Variants in CELF2 observed in about 807,000 individuals in gnomAD.
The protein encoded by CELF2 is CUGBP Elav-like family member 2.
CELF2 carries 8 observed loss-of-function variants against 62.6 expected under a neutral mutation model. That is an observed-to-expected ratio of 0.13 (90% CI 0.07 to 0.23). The LOEUF (loss-of-function observed/expected upper bound fraction) is 0.23. CELF2 is among the 10% of genes least tolerant of loss of function. The pLI is 1.00. For missense variants in CELF2, 333 were observed against 671.0 expected, an observed-to-expected ratio of 0.50 and a Z score of 5.56; for synonymous variants, 258 against 250.0, an observed-to-expected ratio of 1.03 and a Z score of -0.30.
the CELF2 span, among the ~76,000 whole-genome samples, chr10:10,469,116 T>C: frequency 6.6e-6 from 1 of 152,020 alleles, no homozygotes; most frequent in Non-Finnish European, 1.5e-5. Flanking sequence ...GAAATTTTTT[T>C]CCAAGTGCTT....
At chr10:10,687,708 T>A in the CELF2 span, among the ~76,000 whole-genome samples, 153 of 152,336 alleles carry the variant, frequency 1.0e-3, no homozygotes, top group African/African-American at 3.6e-3. Context: ...AAATTTTGTA[T>A]CTAATTTCTA....
intron 1 of CELF2, among the ~76,000 whole-genome samples, chr10:11,089,960 G>A (rs982723416): frequency 6.6e-6 from 1 of 152,106 alleles, no homozygotes; most frequent in Non-Finnish European, 1.5e-5. Context: ...CTTGAAAGTG[G>A]GAGCTGAACA....
intron 10 of CELF2, chr10:11,320,800 A>T (rs2095396423): frequency 6.7e-7 from 1 of 1,494,184 alleles, no homozygotes. Context: ...TTCAGTGTAC[A>T]GATGTTACAG....
chr10:11,073,761 A>G (rs2480797), intron 1 of CELF2, among the ~76,000 whole-genome samples: 40,923 of 151,968 alleles, frequency 0.27, 6,062 homozygotes, highest in African/African-American at 0.38. Context: ...TGCTGGTAAC[A>G]TAAGGTGATG....
At chr10:10,477,352 G>A in the CELF2 span, among the ~76,000 whole-genome samples, 12 of 152,232 alleles carry the variant, frequency 7.9e-5, no homozygotes, top group South Asian at 4.1e-4. Context: ...CAATACTGGC[G>A]CTGCCTTTGA....
chr10:10,628,162 C>A, the CELF2 span, among the ~76,000 whole-genome samples: 1 of 152,172 alleles, frequency 6.6e-6, no homozygotes, highest in Non-Finnish European at 1.5e-5. Flanking sequence ...CCTTGGGCTC[C>A]CAAAGTGCTG....
chr10:11,035,113 A>G (rs1469862529), intron 1 of CELF2, among the ~76,000 whole-genome samples: 7 of 152,190 alleles, frequency 4.6e-5, no homozygotes, highest in Non-Finnish European at 1.0e-4. Context: ...CCTTTCTTAA[A>G]TACGAATGTG....
At chr10:10,819,006 C>T (rs997087135) in intron 1 of CELF2, among the ~76,000 whole-genome samples, 3 of 152,116 alleles carry the variant, frequency 2.0e-5, no homozygotes, top group Admixed American at 2.0e-4. Flanking sequence ...GTAGACTAAC[C>T]AGGAAGCACT....
chr10:10,477,594 G>C, the CELF2 span, among the ~76,000 whole-genome samples: 1 of 152,034 alleles, frequency 6.6e-6, no homozygotes, highest in Non-Finnish European at 1.5e-5. Context: ...AGTTTTCTAG[G>C]CCGAGTGCTG....
intron 2 of CELF2, among the ~76,000 whole-genome samples, chr10:10,962,583 T>A (rs1015650031): frequency 6.6e-6 from 1 of 152,092 alleles, no homozygotes; most frequent in African/African-American, 2.4e-5. Flanking sequence ...TAACCAGGCA[T>A]GGTGGTGCAC....
chr10:11,259,646 G>A (rs1185631356), intron 5 of CELF2, among the ~76,000 whole-genome samples: 1 of 152,082 alleles, frequency 6.6e-6, no homozygotes, highest in South Asian at 2.1e-4. Context: ...GCCATCCATC[G>A]CTGTGGCAGA....
At chr10:10,557,696 C>T in the CELF2 span, among the ~76,000 whole-genome samples, 1 of 150,336 alleles carries the variant, frequency 6.7e-6, no homozygotes, top group Non-Finnish European at 1.5e-5. Context: ...TGTTTGTATC[C>T]TCTTTTATTT....
At chr10:10,741,551 GTT>G in the CELF2 span, among the ~76,000 whole-genome samples, 2 of 148,280 alleles carry the variant, frequency 1.3e-5, no homozygotes, top group African/African-American at 4.9e-5. Context: ...CTCATCGGTT[GTT>G]TTGTAGTATC....
chr10:10,791,859 G>A, the CELF2 span, among the ~76,000 whole-genome samples: 1 of 152,026 alleles, frequency 6.6e-6, no homozygotes, highest in Admixed American at 6.6e-5. Flanking sequence ...TTTCTTAACG[G>A]GGTTTGTATT....
chr10:10,799,842 G>A (rs547518817), intron 1 of CELF2, among the ~76,000 whole-genome samples: 10 of 152,242 alleles, frequency 6.6e-5, no homozygotes, highest in East Asian at 5.8e-4. Flanking sequence ...TAGCAAATGC[G>A]TTTTTGGCAA....
At chr10:10,649,458 G>A in the CELF2 span, among the ~76,000 whole-genome samples, 3 of 152,028 alleles carry the variant, frequency 2.0e-5, no homozygotes, top group African/African-American at 4.8e-5. Flanking sequence ...CCTCTGGGGG[G>A]AAAAAATGGG....
chr10:10,988,231 A>T (rs1592767618), intron 2 of CELF2, among the ~76,000 whole-genome samples: 1 of 151,722 alleles, frequency 6.6e-6, no homozygotes, highest in South Asian at 2.1e-4. Flanking sequence ...AAAATGTGAC[A>T]TATATAGATA....
chr10:10,727,116 G>T, the CELF2 span, among the ~76,000 whole-genome samples: 3 of 152,142 alleles, frequency 2.0e-5, no homozygotes, highest in African/African-American at 7.2e-5. Context: ...ATCACCTCCG[G>T]CCAGGCCCCG....
rs1253456733 is a variant in CELF2, at chr10:11,178,292, G to A, written c.271+12610G>A. ...GTGACCACCAGTCCGTTTTACACAGGCCACCATACAGCTGCCAGGTGGCGC... is the reference window on the plus strand; with the variant it reads ...GTGACCACCAGTCCGTTTTACACAGACCACCATACAGCTGCCAGGTGGCGC... On this transcript the variant is annotated intron_variant, in intron 2 of 12. Coordinates refer to ENST00000633077, the MANE Select transcript of CELF2 (RefSeq NM_001326342.2). This position sits in a 1 kb window ranked among gnomAD's most constrained non-coding sequence, Gnocchi z 4.3. 3.9e-5 allele frequency among the ~76,000 whole-genome samples: 6 copies of A among 152,300 alleles called. No homozygotes were observed. The South Asian group carries it at 1.0e-3, about 26-fold the overall frequency.
Sources: gnomAD v4.1 joint callset for allele counts (sites outside exome capture counted in the v4.1 genomes callset) on GRCh38, gnomAD v4.1.1 for gene constraint, Gnocchi (gnomAD v3.1) non-coding constraint, MANE v1.5 for transcripts, NCBI Gene and HGNC (gene_info 2026-07-23, HGNC 2026-07-21) for gene names.